The following UBA3 variants were observed in gnomAD, a reference collection of about 807,000 sequenced individuals.
The protein encoded by UBA3 is ubiquitin like modifier activating enzyme 3.
UBA3 carries 26 observed loss-of-function variants against 73.5 expected under a neutral mutation model. The ratio of observed to expected loss-of-function variants is 0.35; its 90% confidence interval spans 0.26 to 0.49. The LOEUF (loss-of-function observed/expected upper bound fraction) is 0.49, where lower values mean the gene tolerates loss of function less well. UBA3 is among the 20% of genes least tolerant of loss of function. UBA3 has a pLI of 0.98. For missense variants in UBA3, 495 were observed against 555.6 expected, an observed-to-expected ratio of 0.89 and a Z score of 1.10; for synonymous variants, 217 against 191.2, an observed-to-expected ratio of 1.13 and a Z score of -1.11.
intron 6 of UBA3, among the ~76,000 whole-genome samples, chr3:69,067,231 T>C (rs1294963169): frequency 6.6e-6 from 1 of 152,240 alleles, no homozygotes; most frequent in African/African-American, 2.4e-5. Flanking sequence ...TTAGATTTTC[T>C]TTGGTTTCTT....
At chr3:69,060,580 A>G (rs2092013510) in intron 11 of UBA3, among the ~76,000 whole-genome samples, 1 of 152,240 alleles carries the variant, frequency 6.6e-6, no homozygotes, top group Non-Finnish European at 1.5e-5. Context: ...CAGTTAACCA[A>G]TATGGATAGC....
Position 69,074,864 on chromosome 3 carries a change from T to G in UBA3, c.264+566A>C, listed in dbSNP as rs2092151960. Among the ~76,000 whole-genome samples, 3 of 152,336 alleles carry G rather than the reference T, an allele frequency of 2.0e-5. 1 individual carries two copies. In the Middle Eastern group the frequency reaches 0.01, roughly 518 times the overall value. ...CAAACCTTAGGTGTCCACAATCGTCTTATTAGGTCATAAAATGACCTAATG... is the reference window on the plus strand; with the variant it reads ...CAAACCTTAGGTGTCCACAATCGTCGTATTAGGTCATAAAATGACCTAATG... On this transcript the variant is annotated intron_variant, in intron 4 of 17. Transcript: ENST00000361055.
intron 14 of UBA3, 69 bp from the exon 15 acceptor site, chr3:69,056,352 AAAT>A (rs2091973745): frequency 7.9e-7 from 1 of 1,273,656 alleles, no homozygotes. Flanking sequence ...ATGAACAATA[AAAT>A]AAAAATCAGG....
At chr3:69,063,196 G>A (rs2092038358) in intron 8 of UBA3, 59 bp from the exon 9 acceptor site, 1 of 1,594,828 alleles carries the variant, frequency 6.3e-7, no homozygotes, top group Admixed American at 1.7e-5. Context: ...AAAAGAAGAA[G>A]TATGCTTTCA....
At chr3:69,069,681 A>T (rs1212563393) in intron 5 of UBA3, among the ~76,000 whole-genome samples, 1 of 152,132 alleles carries the variant, frequency 6.6e-6, no homozygotes, top group Non-Finnish European at 1.5e-5. Context: ...AACTTTTGGT[A>T]AATGTTTTAT....
intron 10 of UBA3, 51 bp downstream of exon 10, chr3:69,062,026 G>A: frequency 6.9e-7 from 1 of 1,450,472 alleles, no homozygotes; most frequent in Admixed American, 2.0e-5. Context: ...GAATAATATA[G>A]AAAAAATATG....
chr3:69,061,286 C>T (rs1306688871), intron 11 of UBA3, among the ~76,000 whole-genome samples: 2 of 152,216 alleles, frequency 1.3e-5, no homozygotes, highest in African/African-American at 4.8e-5. Context: ...ACCTCAGCCT[C>T]CTGGGTTCAA....
chr3:69,078,465 A>AT (rs569189864), intron 2 of UBA3, among the ~76,000 whole-genome samples: 22 of 152,006 alleles, frequency 1.4e-4, no homozygotes, highest in Non-Finnish European at 3.2e-4. Flanking sequence ...AAATAAGGTT[A>AT]TTTTTTCTTT....
chr3:69,077,778 T>C lies in UBA3; in HGVS notation c.183+20A>G. On this transcript the variant is annotated intron_variant, in intron 3 of 17. Coordinates refer to ENST00000361055, the MANE Select transcript of UBA3 (RefSeq NM_003968.4). ...ACATAAAACTATTAGAGCAGTTATT[T>C]AAAAATAAACGTTTCTCACTTCAGT... The C allele has an allele frequency of 6.2e-7, 1 of 1,602,016 alleles. No individual in the cohort carries two copies. Among genetic ancestry groups the C allele is most frequent in the East Asian group, 2.2e-5 (1 of 44,598 alleles).
chr3:69,063,257 G>A (rs1237776185), intron 8 of UBA3, 120 bp from the exon 9 acceptor site: 6 of 1,349,264 alleles, frequency 4.4e-6, no homozygotes, highest in Admixed American at 4.9e-5. Flanking sequence ...ATCAAATCAA[G>A]GGATTATAAT....
chr3:69,061,301 T>C (rs537955457), intron 11 of UBA3, among the ~76,000 whole-genome samples: 2 of 152,338 alleles, frequency 1.3e-5, no homozygotes, highest in South Asian at 4.1e-4. Context: ...GTTCAAGTGA[T>C]TCTCCTGCCT....
chr3:69,080,265 A>C lies in UBA3; in HGVS notation c.20+69T>G, dbSNP rs917886805. 47 of 1,580,460 alleles carry C rather than the reference A, an allele frequency of 3.0e-5. No homozygotes were observed. The South Asian group carries it at 5.3e-4, about 18-fold the overall frequency. On this transcript the variant is annotated intron_variant, in intron 1 of 17. Transcript: ENST00000361055. Reference sequence around the variant, plus strand: ...TGTGGGGACCCCGGGTGGCGGCGGCAACCGCCCACCGCCGCGCTCTCTCAC... The same window carrying C: ...TGTGGGGACCCCGGGTGGCGGCGGCCACCGCCCACCGCCGCGCTCTCTCAC...
intron 11 of UBA3, among the ~76,000 whole-genome samples, chr3:69,057,843 C>T (rs925275567): frequency 6.6e-6 from 1 of 151,774 alleles, no homozygotes; most frequent in Non-Finnish European, 1.5e-5. Context: ...AAAAGAAAAG[C>T]TGCCCTTTAT....
chr3:69,074,559 C>G (rs540345473), intron 4 of UBA3, among the ~76,000 whole-genome samples: 1 of 152,072 alleles, frequency 6.6e-6, no homozygotes, highest in African/African-American at 2.4e-5. Flanking sequence ...AACTTTAACC[C>G]CCTTGGCCAA....
intron 11 of UBA3, 26 bp from the exon 12 acceptor site, chr3:69,057,335 T>G: frequency 6.3e-7 from 1 of 1,586,334 alleles, no homozygotes; most frequent in Non-Finnish European, 8.6e-7. Context: ...AATTAAAATA[T>G]GGTCATTTCT....
At chr3:69,068,687 A>T (rs916320360) in intron 5 of UBA3, among the ~76,000 whole-genome samples, 5 of 151,996 alleles carry the variant, frequency 3.3e-5, no homozygotes, top group Non-Finnish European at 7.4e-5. Context: ...GGTTCAAGCA[A>T]TTCTCATGCC....
intron 5 of UBA3, among the ~76,000 whole-genome samples, chr3:69,069,904 T>G (rs955604580): frequency 6.6e-6 from 1 of 152,248 alleles, no homozygotes; most frequent in African/African-American, 2.4e-5. Context: ...TGGGAACTGT[T>G]TGTTAATTTA....
chr3:69,080,213 A>AG lies in UBA3; in HGVS notation c.21-61dup, dbSNP rs2092206946. 3.3e-5 allele frequency: 15 copies of AG among 456,262 alleles called. No homozygotes were observed. In the East Asian group the frequency reaches 8.5e-4, roughly 26 times the overall value. 28.3% of individuals were successfully genotyped at this position (456,262 alleles called of 1,614,324 possible). On this transcript the variant is annotated intron_variant, in intron 1 of 17. Coordinates refer to ENST00000361055, the MANE Select transcript of UBA3 (RefSeq NM_003968.4). ...GCTACACACTGGGCGCCGCGAGGGG[A>AG]GGGGGGCGAGGGGACGGGGCGGGGG...
intron 12 of UBA3, 48 bp from the exon 13 acceptor site, chr3:69,056,863 C>A (rs768275877): frequency 2.5e-6 from 4 of 1,580,124 alleles, no homozygotes; most frequent in Non-Finnish European, 3.4e-6. Context: ...GGAAATTAGG[C>A]ATGTTAAAAG....
Sources: allele counts gnomAD v4.1 joint callset (sites outside exome capture counted in the v4.1 genomes callset), GRCh38; gene constraint gnomAD v4.1.1; transcripts MANE v1.5; gene names NCBI Gene and HGNC (gene_info 2026-07-23, HGNC 2026-07-21).